The following SNX12 variants were observed in gnomAD, a reference collection of about 807,000 sequenced individuals.
The protein encoded by SNX12 is sorting nexin-12.
For synonymous variants in SNX12, 47 were observed against 56.0 expected (o/e 0.84, Z 0.71); for missense variants, 62 against 141.3 (o/e 0.44, Z 2.84).
chrX:71,068,500 C>G (rs751002633), upstream of SNX12: 1 of 308,410 alleles, frequency 3.2e-6, no homozygotes, highest in Non-Finnish European at 5.6e-6. Context: ...GCCGTGCTGA[C>G]TGCTGCGCGC....
Position 71,061,938 on chromosome X carries a change from G to A in SNX12, c.291C>T (p.Ala97=). 1 of 1,200,208 alleles carries A rather than the reference G, an allele frequency of 8.3e-7. No homozygotes were observed. The highest frequency in any genetic ancestry group is 1.1e-6 in the Non-Finnish European group (1 of 891,517). The change falls in exon 3 of 4, where the codon GCC becomes GCT. Residue 97 remains alanine, a synonymous_variant. Coordinates refer to ENST00000374274, the MANE Select transcript of SNX12 (RefSeq NM_013346.4). ...CTCGGAAAGGGAGCTGCCGCTTCAA[G>A]GCTTTCCCAGGCAGTGGTGGTACTA... ...KIVVPPLPGK[A]LKRQLPFRGD... is the part of the protein sequence containing the mutation.
upstream of SNX12, among the ~76,000 whole-genome samples, chrX:71,068,824 G>A (rs2092164909): frequency 8.9e-6 from 1 of 112,041 alleles, no homozygotes; most frequent in African/African-American, 3.2e-5. Context: ...TAACGTAGCC[G>A]TCCCACCTGT....
chrX:71,063,196 A>G (rs777218891), intron 1 of SNX12, among the ~76,000 whole-genome samples: 5 of 111,816 alleles, frequency 4.5e-5, no homozygotes, highest in African/African-American at 6.5e-5. Context: ...GTATGTAAAT[A>G]TGTACATATA....
chrX:71,072,623 A>G (rs1457884190), upstream of SNX12, among the ~76,000 whole-genome samples: 1 of 111,451 alleles, frequency 9.0e-6, no homozygotes, highest in African/African-American at 3.3e-5. Flanking sequence ...ATGCATAGTC[A>G]AAGAAGGATT....
At chrX:71,071,653 C>A, upstream of SNX12, among the ~76,000 whole-genome samples, 2 of 27,711 alleles carry the variant, frequency 7.2e-5, no homozygotes, top group Non-Finnish European at 1.2e-4. Context: ...ATATCTATAT[C>A]ATTATATATA....
chrX:71,071,717 A>AAT (rs201862770), upstream of SNX12, among the ~76,000 whole-genome samples: 1 of 75,911 alleles, frequency 1.3e-5, no homozygotes, highest in Admixed American at 2.1e-4. Context: ...TAGATATATA[A>AAT]ATATATATAT....
Position 71,068,246 on chromosome X carries a change from C to T in SNX12, c.61G>A (p.Asp21Asn). 1 of 1,209,757 alleles carries T rather than the reference C, an allele frequency of 8.3e-7. No individual in the cohort carries two copies. Among genetic ancestry groups the T allele is most frequent in the Non-Finnish European group, 1.1e-6 (1 of 894,361 alleles). ...RLNSKPQDLT[D>N]AYGPPSNFLE... ...AAGTTACTTGGCGGCCCGTAAGCGT[C>T]GGTCAGGTCCTGCGGCTTCGAGTTA... The change falls in exon 1 of 4, where the codon GAC (aspartate) becomes AAC (asparagine). Residue 21 changes from aspartate to asparagine, a missense_variant. Physicochemically the swap from Asp to Asn is conservative, Grantham distance 23. Transcript: ENST00000374274.
At chrX:71,062,314 C>T (rs1453783495) in intron 2 of SNX12, among the ~76,000 whole-genome samples, 1 of 108,433 alleles carries the variant, frequency 9.2e-6, no homozygotes, top group Non-Finnish European at 1.9e-5. Flanking sequence ...ACTTTACTAG[C>T]GACTAAGTGA....
chrX:71,065,353 G>C (rs1270672107), intron 1 of SNX12, among the ~76,000 whole-genome samples: 1 of 43,879 alleles, frequency 2.3e-5, no homozygotes, highest in East Asian at 5.9e-4. Flanking sequence ...GCAAGACTTT[G>C]TCTCAAAAAA....
intron 1 of SNX12, among the ~76,000 whole-genome samples, chrX:71,063,902 G>T (rs1241701580): frequency 9.0e-6 from 1 of 111,308 alleles, no homozygotes; most frequent in Non-Finnish European, 1.9e-5. Flanking sequence ...AAATAAAAAT[G>T]AAAGATCTCT....
chrX:71,066,591 T>TAA (rs34509177), intron 1 of SNX12, among the ~76,000 whole-genome samples: 123 of 73,990 alleles, frequency 1.7e-3, no homozygotes, highest in African/African-American at 5.2e-3. Flanking sequence ...CTCCATCTCT[T>TAA]AAAAAAAAAA....
At position 71,060,967 on chromosome X, in the gene SNX12, C is replaced by T; in HGVS notation, c.*49G>A. 2 of 996,697 alleles carry T rather than the reference C, an allele frequency of 2.0e-6. No homozygotes were observed. Among genetic ancestry groups the T allele is most frequent in the East Asian group, 3.1e-5 (1 of 31,799 alleles). 82.1% of individuals were successfully genotyped at this position (996,697 alleles called of 1,213,427 possible). On this transcript the variant is annotated 3_prime_UTR_variant, in exon 4 of 4. Transcript: ENST00000374274. ...GACAGAGAGAGGCTTAGTGTAAAAA[C>T]CAATGTCATTTCAGCAGGAAAGTAG...
chrX:71,061,248 G>T (rs925347937), intron 3 of SNX12, 130 bp from the exon 4 acceptor site: 2 of 500,716 alleles, frequency 4.0e-6, no homozygotes, highest in African/African-American at 4.7e-5. Flanking sequence ...GACAGCAGTA[G>T]GGTACCACCT....
chrX:71,060,941 A>G lies in SNX12; in HGVS notation c.*75T>C, dbSNP rs931362077. The G allele has an allele frequency of 3.7e-6, 3 of 813,630 alleles. No individual in the cohort carries two copies. Among genetic ancestry groups the G allele is most frequent in the Non-Finnish European group, 5.4e-6 (3 of 550,893 alleles). 67.1% of individuals were successfully genotyped at this position (813,630 alleles called of 1,213,427 possible). ...AGATGGGCAGCCAACTTCAGATCAAAGACAGAGAGAGGCTTAGTGTAAAAA... is the reference window on the plus strand; with the variant it reads ...AGATGGGCAGCCAACTTCAGATCAAGGACAGAGAGAGGCTTAGTGTAAAAA... On this transcript the variant is annotated 3_prime_UTR_variant, in exon 4 of 4. Coordinates refer to ENST00000374274, the MANE Select transcript of SNX12 (RefSeq NM_013346.4).
upstream of SNX12, among the ~76,000 whole-genome samples, chrX:71,071,544 T>TATATATAAATATATAATATTTATATATTA (rs1569477446): frequency 1.1e-4 from 4 of 36,721 alleles, no homozygotes; most frequent in African/African-American, 2.1e-4. Flanking sequence ...TTTATATATA[T>TATATATAAATATATAATATTTATATATTA]TATATATAAA....
chrX:71,062,773 T>C (rs919770043), intron 2 of SNX12, 81 bp downstream of exon 2: 9 of 608,601 alleles, frequency 1.5e-5, no homozygotes, highest in East Asian at 6.8e-5. Context: ...CCTTCAAGAC[T>C]TTATAGACTG....
chrX:71,068,178 T>C lies in SNX12; in HGVS notation c.129A>G (p.Gly43=), dbSNP rs147434204. The change falls in exon 1 of 4, where the codon GGA becomes GGG. Residue 43 remains glycine (G), a synonymous_variant. Coordinates refer to ENST00000374274, the MANE Select transcript of SNX12 (RefSeq NM_013346.4). ...CCTCATAGGTGGTGAAGCGCGCGCGTCCCACGCCCACCGTCTGAGGATTAA... is the reference window on the plus strand; with the variant it reads ...CCTCATAGGTGGTGAAGCGCGCGCGCCCCACGCCCACCGTCTGAGGATTAA... ...DIFNPQTVGV[G]RARFTTYEVR... 1 of 1,204,348 alleles carries C rather than the reference T, an allele frequency of 8.3e-7. No individual in the cohort carries two copies. Among genetic ancestry groups the C allele is most frequent in the African/African-American group, 1.8e-5 (1 of 55,803 alleles).
In SNX12 at chrX:71,059,704, A is replaced by G. The variant is rs2092124393; in HGVS notation, c.*1312T>C. On this transcript the variant is annotated 3_prime_UTR_variant, in exon 4 of 4. Transcript: ENST00000374274. The stretch of plus-strand genomic sequence containing the variant: ...TAGGGAGTCTAAGCAAAGAGCCCCC[A>G]CCTCTCACCTGGCACCAAAGTTAAC... 1 of 110,857 alleles carries G rather than the reference A, an allele frequency of 9.0e-6. No individual in the cohort carries two copies. The highest frequency in any genetic ancestry group is 3.3e-5 in the African/African-American group (1 of 30,362). The allele number at this position is 110,857 out of a possible 1,213,427, so 9.1% of individuals were successfully genotyped here.
chrX:71,065,094 G>C (rs1389103470), intron 1 of SNX12, among the ~76,000 whole-genome samples: 1 of 112,744 alleles, frequency 8.9e-6, no homozygotes, highest in African/African-American at 3.2e-5. Flanking sequence ...ATAAGGGCTG[G>C]ATGCGGTGGC....
Sources: allele counts gnomAD v4.1 joint callset (sites outside exome capture counted in the v4.1 genomes callset), GRCh38; gene constraint gnomAD v4.1.1; transcripts MANE v1.5; gene names NCBI Gene and HGNC (gene_info 2026-07-23, HGNC 2026-07-21).